The following CDKAL1 variants were observed in gnomAD, a reference collection of about 807,000 sequenced individuals.
The protein encoded by CDKAL1 is threonylcarbamoyladenosine tRNA methylthiotransferase.
In CDKAL1, 32 loss-of-function variants were observed where a neutral mutation model predicts 68.2. That is an observed-to-expected ratio of 0.47 (90% CI 0.35 to 0.63). CDKAL1 has a LOEUF of 0.63. Among genes scored for constraint, CDKAL1 ranks in the 30% least tolerant of loss-of-function variants. CDKAL1 has a pLI of 0.00. For synonymous variants in CDKAL1, 234 were observed against 244.3 expected, an observed-to-expected ratio of 0.96 and a Z score of 0.39; for missense variants, 606 against 696.7, an observed-to-expected ratio of 0.87 and a Z score of 1.47.
At chr6:20,876,854 A>G (rs1435075190) in intron 9 of CDKAL1, among the ~76,000 whole-genome samples, 1 of 152,084 alleles carries the variant, frequency 6.6e-6, no homozygotes, top group Non-Finnish European at 1.5e-5. Flanking sequence ...ATACACACAC[A>G]CACGTACACA....
At chr6:20,837,981 GTA>G (rs1491080445) in intron 8 of CDKAL1, among the ~76,000 whole-genome samples, 2,622 of 145,314 alleles carry the variant, frequency 0.018, 73 homozygotes, top group African/African-American at 0.066. Flanking sequence ...GTGTGTGTGT[GTA>G]TACTTCTATG....
At chr6:20,913,663 A>G (rs1762578969) in intron 9 of CDKAL1, among the ~76,000 whole-genome samples, 1 of 152,084 alleles carries the variant, frequency 6.6e-6, no homozygotes, top group Non-Finnish European at 1.5e-5. Context: ...CTTTCCATCC[A>G]TCTTCTTCCA....
intron 4 of CDKAL1, among the ~76,000 whole-genome samples, chr6:20,601,039 T>G (rs576140757): frequency 2.8e-4 from 43 of 152,064 alleles, no homozygotes; most frequent in Non-Finnish European, 5.1e-4. Context: ...CCGGATCCCC[T>G]GAGGGAATTG....
rs1404555598 is a variant in CDKAL1 at position 20,945,170 on chromosome 6, T to A, written c.743-10249T>A. On this transcript the variant is annotated intron_variant, in intron 9 of 15. Transcript: ENST00000274695. ...CTGTAAAAGGCACATAAGGCTATTT[T>A]AACTAACCCCTTTTGAGTATCCCTA... Among the ~76,000 whole-genome samples, 6 of 152,292 alleles carry A rather than the reference T, an allele frequency of 3.9e-5. No homozygotes were observed. The East Asian group carries it at 1.2e-3, about 29-fold the overall frequency.
intron 4 of CDKAL1, among the ~76,000 whole-genome samples, chr6:20,612,847 A>G (rs1766678601): frequency 6.6e-6 from 1 of 151,974 alleles, no homozygotes; most frequent in Non-Finnish European, 1.5e-5. Flanking sequence ...TTCCCTATGT[A>G]AAATCACTTT....
chr6:20,891,319 C>G (rs1581775257), intron 9 of CDKAL1, among the ~76,000 whole-genome samples: 1 of 152,142 alleles, frequency 6.6e-6, no homozygotes, highest in African/African-American at 2.4e-5. Context: ...AGTTGGAAGG[C>G]TCTGGCTTGA....
At chr6:21,156,910 T>G (rs748280047) in intron 13 of CDKAL1, among the ~76,000 whole-genome samples, 1 of 152,202 alleles carries the variant, frequency 6.6e-6, no homozygotes, top group Non-Finnish European at 1.5e-5. Context: ...TGGTAAACTT[T>G]GCCAAGGAGA....
At chr6:20,926,936 T>TAG (rs1324136995) in intron 9 of CDKAL1, among the ~76,000 whole-genome samples, 13 of 148,348 alleles carry the variant, frequency 8.8e-5, no homozygotes, top group African/African-American at 2.5e-4. Flanking sequence ...TATATATATA[T>TAG]ATAGAGAGAG....
intron 12 of CDKAL1, among the ~76,000 whole-genome samples, chr6:21,068,576 G>A (rs1351016584): frequency 6.6e-6 from 1 of 152,002 alleles, no homozygotes; most frequent in African/African-American, 2.4e-5. Context: ...CATCTATTCT[G>A]TTCCTTTGGT....
At chr6:20,773,100 A>G (rs1334694181) in intron 7 of CDKAL1, 1 of 152,216 alleles carries the variant, frequency 6.6e-6, no homozygotes, top group African/African-American at 2.4e-5. Context: ...AAACAATTAG[A>G]GCTTGAGTTG....
chr6:20,868,774 C>T (rs950045178), intron 9 of CDKAL1, among the ~76,000 whole-genome samples: 17 of 152,150 alleles, frequency 1.1e-4, no homozygotes, highest in Admixed American at 3.3e-4. Flanking sequence ...TTACCCTCTG[C>T]GGTTTTATCA....
chr6:21,136,313 GT>G (rs1249649259), intron 13 of CDKAL1, among the ~76,000 whole-genome samples: 1 of 152,158 alleles, frequency 6.6e-6, no homozygotes, highest in Non-Finnish European at 1.5e-5. Context: ...TACGCAAGAC[GT>G]TGAAAATACA....
intron 4 of CDKAL1, among the ~76,000 whole-genome samples, chr6:20,600,244 T>C (rs1010127281): frequency 5.9e-5 from 9 of 152,184 alleles, no homozygotes; most frequent in African/African-American, 2.2e-4. Context: ...TTTTATTAAA[T>C]ATTGCATGAC....
intron 13 of CDKAL1, among the ~76,000 whole-genome samples, chr6:21,122,371 C>T (rs1328810614): frequency 6.6e-6 from 1 of 152,078 alleles, no homozygotes; most frequent in Non-Finnish European, 1.5e-5. Context: ...AACATGAGCT[C>T]ATAGGAGTTT....
Position 21,133,916 on chromosome 6 carries a change from G to T in CDKAL1, c.1299+25453G>T, listed in dbSNP as rs1297692199. On this transcript the variant is annotated intron_variant, in intron 13 of 15. Coordinates refer to ENST00000274695, the MANE Select transcript of CDKAL1 (RefSeq NM_017774.3). ...TATAAATTTAGAGTGATGTATGTCT[G>T]AAATACTTATTTGCTCATATTTACT... Among the ~76,000 whole-genome samples, 3 of 152,138 alleles carry T rather than the reference G, an allele frequency of 2.0e-5. No homozygotes were observed. In the East Asian group the frequency reaches 5.8e-4, roughly 29 times the overall value.
chr6:20,791,754 A>T (rs1775906942), intron 8 of CDKAL1, among the ~76,000 whole-genome samples: 1 of 152,196 alleles, frequency 6.6e-6, no homozygotes, highest in Non-Finnish European at 1.5e-5. Context: ...AATTCCTATT[A>T]TGGTTATTTT....
chr6:20,773,694 C>A (rs1775044791), intron 7 of CDKAL1, among the ~76,000 whole-genome samples: 1 of 151,902 alleles, frequency 6.6e-6, no homozygotes, highest in African/African-American at 2.4e-5. Context: ...ACTACAGGTG[C>A]CTGCCACCAC....
intron 9 of CDKAL1, among the ~76,000 whole-genome samples, chr6:20,888,106 C>T (rs1026566956): frequency 2.0e-5 from 3 of 151,476 alleles, no homozygotes; most frequent in Admixed American, 2.0e-4. Context: ...GGTATTTCTC[C>T]TAATGCTGTC....
chr6:20,816,630 T>C (rs1419287503), intron 8 of CDKAL1, among the ~76,000 whole-genome samples: 1 of 152,172 alleles, frequency 6.6e-6, no homozygotes, highest in African/African-American at 2.4e-5. Flanking sequence ...GAATAGAATA[T>C]GTTTTCAGAC....
Sources: gnomAD v4.1 joint callset for allele counts (sites outside exome capture counted in the v4.1 genomes callset) on GRCh38, gnomAD v4.1.1 for gene constraint, MANE v1.5 for transcripts, NCBI Gene and HGNC (gene_info 2026-07-23, HGNC 2026-07-21) for gene names.